TAFA5: variants seen among roughly 807,000 people sequenced by gnomAD.
The protein encoded by TAFA5 is chemokine-like protein TAFA-5.
A neutral mutation model predicts 15.3 loss-of-function variants in TAFA5; 6 were observed. That is an observed-to-expected ratio of 0.39 (90% CI 0.21 to 0.77). The LOEUF (loss-of-function observed/expected upper bound fraction) is 0.77, where lower values mean the gene tolerates loss of function less well. Among genes scored for constraint, TAFA5 ranks in the 30% least tolerant of loss-of-function variants. The pLI is 0.41. For synonymous variants in TAFA5, 103 were observed against 80.7 expected, an observed-to-expected ratio of 1.28 and a Z score of -1.48; for missense variants, 161 against 193.1, an observed-to-expected ratio of 0.83 and a Z score of 0.98.
Position 48,749,831 on chromosome 22 carries a change from C to G in TAFA5, c.391-8C>G. On this transcript the variant is annotated splice_region_variant and splice_polypyrimidine_tract_variant and intron_variant, in intron 3 of 3. Transcript: ENST00000402357. ...GAGGCTCACCCTCTCTCTCTCTTTG[C>G]TCCTCAGGTCTCCTGACAAACACAG... 1 of 1,560,724 alleles carries G rather than the reference C, an allele frequency of 6.4e-7. No homozygotes were observed. Among genetic ancestry groups the G allele is most frequent in the East Asian group, 2.4e-5 (1 of 41,676 alleles).
intron 2 of TAFA5, among the ~76,000 whole-genome samples, chr22:48,659,018 A>G (rs973848049): frequency 5.9e-5 from 9 of 152,218 alleles, no homozygotes; most frequent in African/African-American, 1.4e-4. Flanking sequence ...CGGGCAGGAC[A>G]CCCGGGGACC....
intron 1 of TAFA5, among the ~76,000 whole-genome samples, chr22:48,559,607 G>C (rs963454594): frequency 6.6e-6 from 1 of 152,108 alleles, no homozygotes; most frequent in Admixed American, 6.5e-5. Context: ...GTCACCGAGA[G>C]GGCTTTTCTG....
intron 1 of TAFA5, among the ~76,000 whole-genome samples, chr22:48,618,394 T>C (rs1384139392): frequency 2.6e-5 from 4 of 152,250 alleles, no homozygotes; most frequent in African/African-American, 7.2e-5. Flanking sequence ...AAAAAGGCCA[T>C]GCGTGCAGTT....
At chr22:48,576,368 G>A in intron 1 of TAFA5, 2 of 1,218,032 alleles carry the variant, frequency 1.6e-6, no homozygotes, top group Non-Finnish European at 2.1e-6. Flanking sequence ...CGTTGGCGGC[G>A]GATGGAGGGC....
chr22:48,507,405 G>A (rs1023284526), intron 1 of TAFA5, among the ~76,000 whole-genome samples: 4 of 152,148 alleles, frequency 2.6e-5, no homozygotes, highest in African/African-American at 9.7e-5. Flanking sequence ...AGAGGCTCCT[G>A]TGAACCCCCA....
chr22:48,520,171 C>T (rs912458800), intron 1 of TAFA5, among the ~76,000 whole-genome samples: 1 of 152,258 alleles, frequency 6.6e-6, no homozygotes, highest in African/African-American at 2.4e-5. Context: ...TCCCCTGGAG[C>T]TCCCAGAAGG....
At chr22:48,682,695 C>T (rs1283628482) in intron 2 of TAFA5, among the ~76,000 whole-genome samples, 2 of 152,314 alleles carry the variant, frequency 1.3e-5, no homozygotes, top group Non-Finnish European at 2.9e-5. Context: ...AAAAGCCTGA[C>T]GGCATTTGCA....
chr22:48,527,436 A>G (rs772983203), intron 1 of TAFA5, among the ~76,000 whole-genome samples: 1 of 152,222 alleles, frequency 6.6e-6, no homozygotes, highest in Non-Finnish European at 1.5e-5. Flanking sequence ...GTGAGGGGCA[A>G]CGGGACCGTG....
chr22:48,586,018 G>A (rs1924345706), intron 1 of TAFA5, among the ~76,000 whole-genome samples: 1 of 152,232 alleles, frequency 6.6e-6, no homozygotes, highest in African/African-American at 2.4e-5. Flanking sequence ...GGAGAGGAGG[G>A]TGGACCCCAG....
intron 1 of TAFA5, among the ~76,000 whole-genome samples, chr22:48,593,985 AAGTCCT>A (rs1924669598): frequency 6.6e-6 from 1 of 152,160 alleles, no homozygotes; most frequent in Admixed American, 6.5e-5. Flanking sequence ...CTATCTTCTG[AAGTCCT>A]TATGTAAGGA....
At chr22:48,555,009 C>A (rs996768860) in intron 1 of TAFA5, among the ~76,000 whole-genome samples, 8 of 152,194 alleles carry the variant, frequency 5.3e-5, no homozygotes, top group Non-Finnish European at 1.0e-4. Flanking sequence ...GCTCTGAGAT[C>A]TCCGATGGTG....
intron 1 of TAFA5, among the ~76,000 whole-genome samples, chr22:48,507,067 G>T (rs1410124357): frequency 6.6e-6 from 1 of 152,224 alleles, no homozygotes; most frequent in East Asian, 1.9e-4. Flanking sequence ...AGTTGGAGAA[G>T]GAGATGGTCA....
intron 1 of TAFA5, among the ~76,000 whole-genome samples, chr22:48,634,344 A>G (rs888164987): frequency 2.6e-5 from 4 of 151,858 alleles, no homozygotes; most frequent in African/African-American, 9.7e-5. Flanking sequence ...TCATTCACTC[A>G]TTCACCCACT....
At chr22:48,613,344 T>C (rs565318128) in intron 1 of TAFA5, among the ~76,000 whole-genome samples, 1 of 152,306 alleles carries the variant, frequency 6.6e-6, no homozygotes, top group South Asian at 2.1e-4. Flanking sequence ...CTTGAGCTGA[T>C]GTCCGTCTCT....
At chr22:48,613,212 T>A (rs984995717) in intron 1 of TAFA5, among the ~76,000 whole-genome samples, 8 of 152,146 alleles carry the variant, frequency 5.3e-5, no homozygotes, top group African/African-American at 1.4e-4. Flanking sequence ...TATTCCTCCT[T>A]CCTCCCTGGA....
chr22:48,543,227 T>C (rs1433788427), intron 1 of TAFA5: 2 of 152,132 alleles, frequency 1.3e-5, no homozygotes, highest in Non-Finnish European at 2.9e-5. Flanking sequence ...TTGGCCCTTA[T>C]TACCAATCAG....
chr22:48,606,676 TTGAAA>T (rs2147169960), intron 1 of TAFA5, among the ~76,000 whole-genome samples: 1 of 152,362 alleles, frequency 6.6e-6, no homozygotes, highest in South Asian at 2.1e-4. Context: ...TCTCTTTGCT[TTGAAA>T]CTGGCGTCTG....
rs547004649 is a variant in TAFA5, at chr22:48,642,057, G to A, written c.113-4540G>A. Among the ~76,000 whole-genome samples the A allele has an allele frequency of 2.0e-5, 3 of 152,272 alleles. No homozygotes were observed. In the East Asian group the frequency reaches 5.8e-4, roughly 29 times the overall value. On this transcript the variant is annotated intron_variant, in intron 1 of 3. Coordinates refer to ENST00000402357, the MANE Select transcript of TAFA5 (RefSeq NM_001082967.3). ...GACCAGCAGCATGCTGAGGGGGGCAGCCTGGTGGAGGGGCCTGCACTTTTC... is the reference window on the plus strand; with the variant it reads ...GACCAGCAGCATGCTGAGGGGGGCAACCTGGTGGAGGGGCCTGCACTTTTC...
intron 1 of TAFA5, among the ~76,000 whole-genome samples, chr22:48,643,696 A>G (rs544402961): frequency 1.7e-4 from 26 of 152,334 alleles, no homozygotes; most frequent in African/African-American, 6.0e-4. Flanking sequence ...GCAGTACCCC[A>G]GCACTGCTGT....
Sources: gnomAD v4.1 joint callset for allele counts (sites outside exome capture counted in the v4.1 genomes callset) on GRCh38, gnomAD v4.1.1 for gene constraint, MANE v1.5 for transcripts, NCBI Gene and HGNC (gene_info 2026-07-23, HGNC 2026-07-21) for gene names.